RICTOR: variants seen among roughly 807,000 people sequenced by gnomAD.
The protein encoded by RICTOR is rapamycin-insensitive companion of mTOR.
RICTOR carries 49 observed loss-of-function variants against 214.9 expected under a neutral mutation model. That is an observed-to-expected ratio of 0.23 (90% CI 0.18 to 0.29). The LOEUF (loss-of-function observed/expected upper bound fraction) is 0.29. Ranked by LOEUF, RICTOR falls within the 10% of genes least tolerant of loss-of-function variation. The pLI, the probability that RICTOR is intolerant of heterozygous loss-of-function variation, is 1.00. For missense variants in RICTOR, 1,625 were observed against 2,047.0 expected, an observed-to-expected ratio of 0.79 and a Z score of 3.98; for synonymous variants, 717 against 711.3, an observed-to-expected ratio of 1.01 and a Z score of -0.13.
At chr5:38,979,290 C>T (rs1248200723) in intron 8 of RICTOR, among the ~76,000 whole-genome samples, 1 of 152,146 alleles carries the variant, frequency 6.6e-6, no homozygotes, top group Non-Finnish European at 1.5e-5. Context: ...GCTGGGATTA[C>T]CGGCTACTTT....
chr5:39,003,061 C>A (rs922835380), intron 4 of RICTOR, among the ~76,000 whole-genome samples: 1 of 152,116 alleles, frequency 6.6e-6, no homozygotes, highest in Non-Finnish European at 1.5e-5. Flanking sequence ...TCCCAAAAAT[C>A]ATTGGTTTAA....
intron 36 of RICTOR, 150 bp downstream of exon 36, chr5:38,944,296 T>G: frequency 2.6e-6 from 2 of 775,870 alleles, no homozygotes; most frequent in South Asian, 2.9e-5. Context: ...GCTGAAGTAT[T>G]AAAGAAAATC....
At chr5:38,974,802 G>C (rs950426168) in intron 10 of RICTOR, among the ~76,000 whole-genome samples, 8 of 152,186 alleles carry the variant, frequency 5.3e-5, no homozygotes, top group African/African-American at 1.9e-4. Flanking sequence ...CAAATGGCTG[G>C]AGTAAACATT....
intron 2 of RICTOR, among the ~76,000 whole-genome samples, chr5:39,042,842 G>A (rs1757260399): frequency 6.6e-6 from 1 of 152,036 alleles, no homozygotes; most frequent in South Asian, 2.1e-4. Flanking sequence ...CTTGATCTGG[G>A]TTCTGGTTTC....
chr5:39,009,537 C>A (rs1754330058), intron 3 of RICTOR, among the ~76,000 whole-genome samples: 1 of 151,866 alleles, frequency 6.6e-6, no homozygotes, highest in African/African-American at 2.4e-5. Context: ...GGCAGAAACA[C>A]AATATATTTG....
At chr5:39,005,689 C>CT (rs1754000502) in intron 3 of RICTOR, among the ~76,000 whole-genome samples, 3 of 152,104 alleles carry the variant, frequency 2.0e-5, no homozygotes, top group Admixed American at 2.0e-4. Context: ...CCTTTGGTAG[C>CT]TCCTTAGTCT....
chr5:39,044,890 A>G (rs916611973), intron 2 of RICTOR, among the ~76,000 whole-genome samples: 7 of 152,350 alleles, frequency 4.6e-5, no homozygotes, highest in African/African-American at 1.4e-4. Context: ...CTTGCTAGAT[A>G]AAGAACTAAA....
chr5:39,013,861 TATC>T (rs1053759151), intron 3 of RICTOR, among the ~76,000 whole-genome samples: 3 of 152,130 alleles, frequency 2.0e-5, no homozygotes, highest in South Asian at 4.1e-4. Flanking sequence ...TATATACACA[TATC>T]ATGCTGTCAT....
At chr5:38,963,215 T>C (rs1369034096) in intron 16 of RICTOR, among the ~76,000 whole-genome samples, 174 bp from the exon 17 acceptor site, 1 of 152,052 alleles carries the variant, frequency 6.6e-6, no homozygotes, top group Non-Finnish European at 1.5e-5. Flanking sequence ...TACTGATTTA[T>C]ATAAAGACAC....
chr5:39,057,223 C>T (rs570744418), intron 2 of RICTOR, among the ~76,000 whole-genome samples: 2 of 152,264 alleles, frequency 1.3e-5, no homozygotes, highest in African/African-American at 4.8e-5. Flanking sequence ...AAAGGCCTTA[C>T]AAGCTTTAGC....
At position 38,952,186 on chromosome 5, in the gene RICTOR, G is replaced by C; in HGVS notation, c.3127+10C>G. 5 of 1,495,340 alleles carry C rather than the reference G, an allele frequency of 3.3e-6. No individual in the cohort carries two copies. The highest frequency in any genetic ancestry group is 4.7e-6 in the Non-Finnish European group (5 of 1,072,824). The allele number at this position is 1,495,340 out of a possible 1,614,324, so 92.6% of individuals were successfully genotyped here. On this transcript the variant is annotated intron_variant, in intron 30 of 37. Transcript: ENST00000357387. ...TGGCTAACTTTATATGAACCTGTCA[G>C]GATACTCACTCGATGGCACAGATTC...
intron 25 of RICTOR, 41 bp downstream of exon 25, chr5:38,957,611 T>TA (rs759210984): frequency 3.7e-6 from 4 of 1,077,976 alleles, no homozygotes; most frequent in Non-Finnish European, 5.6e-6. Context: ...TTTCAGAAGA[T>TA]AAAAACACAC....
At chr5:39,053,539 T>A (rs1435698064) in intron 2 of RICTOR, among the ~76,000 whole-genome samples, 2 of 152,190 alleles carry the variant, frequency 1.3e-5, no homozygotes, top group African/African-American at 4.8e-5. Context: ...TCTAGCACAG[T>A]GCCTAGCACA....
chr5:39,060,929 T>C (rs1200558635), intron 2 of RICTOR, among the ~76,000 whole-genome samples: 4 of 151,990 alleles, frequency 2.6e-5, no homozygotes, highest in Non-Finnish European at 4.4e-5. Flanking sequence ...TTGGGCTAGT[T>C]AGGCATCGCC....
At position 38,950,201 on chromosome 5, in the gene RICTOR, C is replaced by T. The variant is rs1561445386; in HGVS notation, c.3647G>A (p.Arg1216His). 42 of 1,613,460 alleles carry T rather than the reference C, an allele frequency of 2.6e-5. No homozygotes were observed. The highest frequency in any genetic ancestry group is 3.5e-5 in the Non-Finnish European group (41 of 1,179,638). ...AGTGTCTGTATTGAAACTTTGGCTACGTATCTTCATATGTGAGCTCGTTGA... is the reference window on the plus strand; with the variant it reads ...AGTGTCTGTATTGAAACTTTGGCTATGTATCTTCATATGTGAGCTCGTTGA... Reference protein sequence around the residue: ...ESSTSSHMKIRSQSFNTDTTT... With the variant: ...ESSTSSHMKIHSQSFNTDTTT... Residue 1216 changes from arginine (R) to histidine (H), a missense_variant, in exon 31 of 38, where the codon CGT becomes CAT. Around this residue, in one of 5 missense-constraint regions of RICTOR, gnomAD observed 1,214 missense variants for 1,470.5 expected, o/e 0.83. Transcript: ENST00000357387.
chr5:39,040,813 GCTC>G (rs1263065149), intron 2 of RICTOR, among the ~76,000 whole-genome samples: 3 of 152,092 alleles, frequency 2.0e-5, no homozygotes, highest in Non-Finnish European at 4.4e-5. Flanking sequence ...AAATTTCAAT[GCTC>G]CTCATCTGCC....
chr5:39,012,443 A>C (rs1233217543), intron 3 of RICTOR, among the ~76,000 whole-genome samples: 1 of 152,198 alleles, frequency 6.6e-6, no homozygotes, highest in Non-Finnish European at 1.5e-5. Context: ...TCTTTGCAGC[A>C]GTATGAGAAT....
chr5:38,996,948 C>T (rs775097430), intron 5 of RICTOR, 66 bp from the exon 6 acceptor site: 1 of 1,059,222 alleles, frequency 9.4e-7, no homozygotes, highest in South Asian at 1.3e-5. Flanking sequence ...TATCACAATA[C>T]TGATAGATGA....
In RICTOR at chr5:38,962,331, CT is replaced by C. The variant is rs2150022514; in HGVS notation, c.1698del (p.Asp567MetfsTer38). The C allele has an allele frequency of 7.0e-7, 1 of 1,429,974 alleles. No individual in the cohort carries two copies. Among genetic ancestry groups the C allele is most frequent in the Non-Finnish European group, 9.7e-7 (1 of 1,029,200 alleles). The allele number at this position is 1,429,974 out of a possible 1,614,324, so 88.6% of individuals were successfully genotyped here. A position where few individuals can be genotyped will look rare whatever the true frequency, so the allele number is the denominator to read the frequency against. On this transcript the variant is annotated frameshift_variant, in exon 19 of 38. Coordinates refer to ENST00000357387, the MANE Select transcript of RICTOR (RefSeq NM_152756.5). LOFTEE classifies it high-confidence loss of function. ...KWPNVNLRNY[K>X]DEQLHRFVRR... ...CTTACATACCTGTGTAACTGTTCAT[CT>C]TTATAGTTTCTTAGATTTACATTTG...
Sources: gnomAD v4.1 joint callset for allele counts (sites outside exome capture counted in the v4.1 genomes callset) on GRCh38, gnomAD v4.1.1 for gene constraint, gnomAD v4.1.1 regional missense constraint, MANE v1.5 for transcripts, NCBI Gene and HGNC (gene_info 2026-07-23, HGNC 2026-07-21) for gene names.